The following GPC6 variants were observed in gnomAD, a reference collection of about 807,000 sequenced individuals.
The protein encoded by GPC6 is glypican-6.
Under a neutral mutation model 55.2 loss-of-function variants are expected in GPC6, and 14 were observed. That is an observed-to-expected ratio of 0.25 (90% confidence interval 0.17 to 0.40). The LOEUF (loss-of-function observed/expected upper bound fraction) is 0.40, where lower values mean the gene tolerates loss of function less well. Among genes scored for constraint, GPC6 ranks in the 10% least tolerant of loss-of-function variants. The pLI, the probability that GPC6 is intolerant of heterozygous loss-of-function variation, is 1.00. For missense variants in GPC6, 641 were observed against 708.5 expected, an observed-to-expected ratio of 0.90 and a Z score of 1.08; for synonymous variants, 278 against 259.6, an observed-to-expected ratio of 1.07 and a Z score of -0.68.
At chr13:94,089,410 C>T (rs780097466) in intron 4 of GPC6, among the ~76,000 whole-genome samples, 3 of 152,104 alleles carry the variant, frequency 2.0e-5, no homozygotes, top group Non-Finnish European at 4.4e-5. Flanking sequence ...CAATTTTCAG[C>T]CTGGGAAATC....
At position 93,493,518 on chromosome 13, in the gene GPC6, T is replaced by C. The variant is rs1324458761; in HGVS notation, c.161-51745T>C. Among the ~76,000 whole-genome samples the C allele has an allele frequency of 4.2e-5, 5 of 119,180 alleles. No homozygotes were observed. In the Admixed American group the frequency reaches 4.3e-4, roughly 10 times the overall value. The allele number at this position is 119,180 out of a possible 152,430, so 78.2% of individuals were successfully genotyped here. A position where few individuals can be genotyped will look rare whatever the true frequency, so the allele number is the denominator to read the frequency against. On this transcript the variant is annotated intron_variant, in intron 1 of 8. Coordinates refer to ENST00000377047, the MANE Select transcript of GPC6 (RefSeq NM_005708.5). ...TTTGATGGGTTTTTTGTGTCTCTAT[T>C]TCCTTCAGTTCTGCTCTGATCTTGG... is the stretch of plus-strand genomic sequence containing the variant.
rs556879120 is a variant in GPC6 at position 93,407,265 on chromosome 13, TAG to T, written c.161-137984_161-137983del. 4.6e-4 allele frequency among the ~76,000 whole-genome samples: 70 copies of T among 151,742 alleles called. 1 individual carries two copies. Among genetic ancestry groups the T allele is most frequent in the African/African-American group, 1.5e-3 (64 of 41,470 alleles). On this transcript the variant is annotated intron_variant, in intron 1 of 8. Coordinates refer to ENST00000377047, the MANE Select transcript of GPC6 (RefSeq NM_005708.5). The stretch of plus-strand genomic sequence containing the variant: ...GGTATACATATGTATATTTTTTATT[TAG>T]AGAGAGAGAGAGAAAAAAGCAAATA...
At chr13:93,873,650 G>A (rs1298292721) in intron 3 of GPC6, among the ~76,000 whole-genome samples, 1 of 151,834 alleles carries the variant, frequency 6.6e-6, no homozygotes, top group Non-Finnish European at 1.5e-5. Context: ...CCTTGATGCA[G>A]ACCGATCTGG....
At chr13:93,487,749 A>T (rs553209737) in intron 1 of GPC6, among the ~76,000 whole-genome samples, 1 of 152,198 alleles carries the variant, frequency 6.6e-6, no homozygotes, top group South Asian at 2.1e-4. Flanking sequence ...TAGAAGCAGT[A>T]ACGTGAAATC....
At chr13:94,002,956 G>C (rs1488358125) in intron 3 of GPC6, among the ~76,000 whole-genome samples, 1 of 152,154 alleles carries the variant, frequency 6.6e-6, no homozygotes, top group South Asian at 2.1e-4. Context: ...CATTTGATAG[G>C]ATCCTGCTAT....
chr13:93,688,496 G>A (rs1882132631), intron 2 of GPC6, among the ~76,000 whole-genome samples: 1 of 152,094 alleles, frequency 6.6e-6, no homozygotes, highest in Admixed American at 6.6e-5. Flanking sequence ...TTTTTCACAA[G>A]AGACAGAAGG....
chr13:93,406,918 G>T (rs1876314208), intron 1 of GPC6, among the ~76,000 whole-genome samples: 1 of 152,092 alleles, frequency 6.6e-6, no homozygotes, highest in Non-Finnish European at 1.5e-5. Context: ...CTAGATTAAA[G>T]AAAACTAAAG....
chr13:94,017,866 TG>T (rs778057802), intron 3 of GPC6, among the ~76,000 whole-genome samples: 90 of 151,754 alleles, frequency 5.9e-4, no homozygotes, highest in Non-Finnish European at 1.1e-3. Context: ...TTAGTAGAGA[TG>T]GGGTTTCACC....
At chr13:94,248,486 A>G (rs1328234237) in intron 4 of GPC6, among the ~76,000 whole-genome samples, 1 of 152,104 alleles carries the variant, frequency 6.6e-6, no homozygotes, top group Non-Finnish European at 1.5e-5. Context: ...CCAATGAATA[A>G]AAACCTCAAA....
rs749800298 is a variant in GPC6 at position 94,144,545 on chromosome 13, GTA to G, written c.877+116653_877+116654del. On this transcript the variant is annotated intron_variant, in intron 4 of 8. Coordinates refer to ENST00000377047, the MANE Select transcript of GPC6 (RefSeq NM_005708.5). ...AAGATCATTCTTTGGGAGTGTGTGT[GTA>G]TGTGTGTGTGTGTGTGTGTGTGTGT... Among the ~76,000 whole-genome samples the G allele has an allele frequency of 8.1e-3, 524 of 64,796 alleles. 3 individuals carry two copies. Among genetic ancestry groups the G allele is most frequent in the South Asian group, 0.014 (33 of 2,370 alleles). 42.5% of individuals were successfully genotyped at this position (64,796 alleles called of 152,430 possible).
intron 4 of GPC6, among the ~76,000 whole-genome samples, chr13:94,047,161 G>A (rs1330290721): frequency 4.6e-5 from 7 of 152,012 alleles, no homozygotes; most frequent in African/African-American, 1.7e-4. Context: ...AAATGTATTG[G>A]TATTCTTGGA....
At chr13:94,172,749 C>T (rs901366395) in intron 4 of GPC6, among the ~76,000 whole-genome samples, 2 of 152,154 alleles carry the variant, frequency 1.3e-5, no homozygotes, top group African/African-American at 4.8e-5. Context: ...TACACTCTTA[C>T]ATAAATGACC....
intron 1 of GPC6, among the ~76,000 whole-genome samples, chr13:93,542,833 A>G (rs112772834): frequency 3.7e-4 from 57 of 152,030 alleles, no homozygotes; most frequent in South Asian, 2.1e-3. Context: ...TTTGTCTGTT[A>G]TTGGTGTATA....
At chr13:93,236,905 T>C (rs1389351299) in intron 1 of GPC6, among the ~76,000 whole-genome samples, 1 of 152,186 alleles carries the variant, frequency 6.6e-6, no homozygotes, top group Non-Finnish European at 1.5e-5. Context: ...ATGATTTCAT[T>C]TTTTTAGGGC....
chr13:94,114,065 C>A (rs1289560982), intron 4 of GPC6, among the ~76,000 whole-genome samples: 1 of 71,488 alleles, frequency 1.4e-5, no homozygotes, highest in Non-Finnish European at 2.6e-5. Flanking sequence ...TTCACCCATT[C>A]ATAGAACTAA....
chr13:93,231,633 G>A (rs866478578), intron 1 of GPC6, among the ~76,000 whole-genome samples: 1 of 151,214 alleles, frequency 6.6e-6, no homozygotes, highest in Non-Finnish European at 1.5e-5. Flanking sequence ...AACGTTTTCT[G>A]GCAAGATATA....
rs925258713 is a variant in GPC6 at position 94,403,912 on chromosome 13, T to G, written c.*695T>G. On this transcript the variant is annotated 3_prime_UTR_variant, in exon 9 of 9. Coordinates refer to ENST00000377047, the MANE Select transcript of GPC6 (RefSeq NM_005708.5). ...ACACAAATTACTACAACTCAGTACC[T>G]CTGTCTTACTCTGCCCAATTTCAAT... The G allele has an allele frequency of 6.7e-6, 1 of 148,938 alleles. No homozygotes were observed. Among genetic ancestry groups the G allele is most frequent in the South Asian group, 2.0e-4 (1 of 5,040 alleles). 9.2% of individuals were successfully genotyped at this position (148,938 alleles called of 1,614,324 possible). A position where few individuals can be genotyped will look rare whatever the true frequency, so the allele number is the denominator to read the frequency against.
intron 4 of GPC6, among the ~76,000 whole-genome samples, chr13:94,239,095 T>TAC (rs1890971233): frequency 6.6e-6 from 1 of 152,170 alleles, no homozygotes; most frequent in Non-Finnish European, 1.5e-5. Flanking sequence ...TTTACTAGCT[T>TAC]ACAATGTAAG....
At chr13:93,354,965 A>G (rs1303212748) in intron 1 of GPC6, among the ~76,000 whole-genome samples, 2 of 152,186 alleles carry the variant, frequency 1.3e-5, no homozygotes, top group South Asian at 2.1e-4. Flanking sequence ...ATTCAATTCA[A>G]CAATCTAAAA....
Sources: gnomAD v4.1 joint callset for allele counts (sites outside exome capture counted in the v4.1 genomes callset) on GRCh38, gnomAD v4.1.1 for gene constraint, MANE v1.5 for transcripts, NCBI Gene and HGNC (gene_info 2026-07-23, HGNC 2026-07-21) for gene names.